Variants in CCDC33 observed in about 807,000 individuals in gnomAD.
CCDC33 encodes the protein coiled-coil domain containing 33.
Under a neutral mutation model 91.9 loss-of-function variants are expected in CCDC33, and 94 were observed. The observed-to-expected ratio is 1.02, with a 90% CI of 0.87 to 1.21. The LOEUF (loss-of-function observed/expected upper bound fraction) is 1.21. CCDC33 is among the 50% of genes most tolerant of loss of function. The pLI, the probability that CCDC33 is intolerant of heterozygous loss-of-function variation, is 0.00. For synonymous variants in CCDC33, 396 were observed against 374.5 expected (o/e 1.06, Z -0.66); for missense variants, 940 against 935.5 (o/e 1.00, Z -0.06).
chr15:74,225,490 T>C (rs1214302555), intron 2 of CCDC33, among the ~76,000 whole-genome samples: 1 of 144,018 alleles, frequency 6.9e-6, no homozygotes, highest in Non-Finnish European at 1.5e-5. Context: ...TACGTGAATA[T>C]ACACAGACCT....
At chr15:74,227,794 A>T (rs186944351) in intron 2 of CCDC33, among the ~76,000 whole-genome samples, 1 of 152,148 alleles carries the variant, frequency 6.6e-6, no homozygotes, top group African/African-American at 2.4e-5. Context: ...TGAGCAAGTC[A>T]TTTTACTTCT....
chr15:74,265,633 T>C (rs938322443), intron 3 of CCDC33, among the ~76,000 whole-genome samples: 3 of 152,236 alleles, frequency 2.0e-5, no homozygotes, highest in African/African-American at 7.2e-5. Context: ...GGCTGAGACA[T>C]GCCTGGCACA....
intron 7 of CCDC33, among the ~76,000 whole-genome samples, chr15:74,279,103 G>T (rs2076523362): frequency 6.6e-6 from 1 of 152,174 alleles, no homozygotes; most frequent in Non-Finnish European, 1.5e-5. Flanking sequence ...AATGAATGAG[G>T]TGTCCTAAAA....
chr15:74,240,697 ATTC>A (rs1422572320), intron 1 of CCDC33, among the ~76,000 whole-genome samples: 1 of 152,106 alleles, frequency 6.6e-6, no homozygotes. Flanking sequence ...GGTTCAAGCA[ATTC>A]TTCTGCCTCA....
At chr15:74,260,652 C>T (rs909640893) in intron 2 of CCDC33, among the ~76,000 whole-genome samples, 2 of 152,120 alleles carry the variant, frequency 1.3e-5, no homozygotes, top group Non-Finnish European at 2.9e-5. Flanking sequence ...CCAGGATAAA[C>T]GCGGGCTCCA....
intron 10 of CCDC33, among the ~76,000 whole-genome samples, chr15:74,283,135 T>C (rs541584850): frequency 6.6e-6 from 1 of 152,214 alleles, no homozygotes; most frequent in African/African-American, 2.4e-5. Flanking sequence ...TGAGACCCCA[T>C]TAGCACTCCC....
At chr15:74,269,962 T>A (rs1397404420) in intron 5 of CCDC33, among the ~76,000 whole-genome samples, 1 of 152,134 alleles carries the variant, frequency 6.6e-6, no homozygotes, top group African/African-American at 2.4e-5. Context: ...CCCTTTTTAG[T>A]CTTACACCTG....
chr15:74,330,556 G>A (rs1178451488), intron 12 of CCDC33, 107 bp from the exon 13 acceptor site: 29 of 1,128,826 alleles, frequency 2.6e-5, no homozygotes, highest in Admixed American at 1.1e-4. Context: ...ATCCAGTCCC[G>A]TCCCAAGCCC....
chr15:74,318,534 T>G (rs2060139830), intron 11 of CCDC33: 1 of 676,034 alleles, frequency 1.5e-6, no homozygotes, highest in Middle Eastern at 2.4e-4. Context: ...CAGGCACTTG[T>G]TGTAGCAACA....
intron 11 of CCDC33, among the ~76,000 whole-genome samples, chr15:74,321,566 A>C (rs1290589349): frequency 1.3e-5 from 2 of 151,976 alleles, no homozygotes; most frequent in Non-Finnish European, 2.9e-5. Flanking sequence ...TGCCCGGTGT[A>C]CTTTTTGTAT....
chr15:74,286,657 C>A (rs1203375172), intron 10 of CCDC33, among the ~76,000 whole-genome samples: 1 of 152,150 alleles, frequency 6.6e-6, no homozygotes, highest in African/African-American at 2.4e-5. Flanking sequence ...AGCAACATTT[C>A]TCCTCTTGCA....
rs777304619 is a variant in CCDC33, at chr15:74,281,747, C to T, written c.1024-31C>T. 8 of 1,597,360 alleles carry T rather than the reference C, an allele frequency of 5.0e-6. No individual in the cohort carries two copies. In the South Asian group the frequency reaches 6.6e-5, roughly 13 times the overall value. ...CAGAGGCGGAAGCTGCCCTGGCCAG[C>T]ATGGTCTGAGTGCTCCCTTTTCCTC... On this transcript the variant is annotated intron_variant, in intron 9 of 18. Transcript: ENST00000398814.
At chr15:74,233,402 ACT>A (rs1224007471), upstream of CCDC33, among the ~76,000 whole-genome samples, 1 of 151,750 alleles carries the variant, frequency 6.6e-6, no homozygotes, top group African/African-American at 2.4e-5. Flanking sequence ...AGGATGGAAA[ACT>A]CTGAGAGGGC....
chr15:74,213,030 CATT>C (rs1427935453), upstream of CCDC33: 7 of 152,114 alleles, frequency 4.6e-5, no homozygotes, highest in African/African-American at 7.2e-5. Flanking sequence ...GCATGGCCGA[CATT>C]ATGAAACCCC....
At chr15:74,300,880 T>C (rs1427603781) in intron 11 of CCDC33, 1 of 152,334 alleles carries the variant, frequency 6.6e-6, no homozygotes, top group East Asian at 1.9e-4. Context: ...CCCAACCATT[T>C]CTTCTCACCT....
At position 74,330,728 on chromosome 15, in the gene CCDC33, C is replaced by A; in HGVS notation, c.1522C>A (p.His508Asn). Residue 508 changes from histidine (H) to asparagine (N), a missense_variant, in exon 13 of 19, where the codon CAT becomes AAT. His to Asn is a moderately conservative substitution (Grantham distance 68). Transcript: ENST00000398814. ...DMKKLRDRVQ[H>N]LQNELIRKND... is the part of the protein sequence containing the mutation. ...GAAGAAACTGAGGGACAGGGTGCAG[C>A]ATTTGCAGAATGAGCTGATTCGAGT... 6.2e-7 allele frequency: 1 copy of A among 1,613,290 alleles called. No individual in the cohort carries two copies.
chr15:74,208,998 T>C, intron 1 of CCDC33: 1 of 1,028,746 alleles, frequency 9.7e-7, no homozygotes, highest in East Asian at 9.8e-5. Flanking sequence ...CTGAGAAGTG[T>C]CCCCAGCACC....
At chr15:74,292,483 C>T (rs2059603013) in intron 10 of CCDC33, among the ~76,000 whole-genome samples, 1 of 152,208 alleles carries the variant, frequency 6.6e-6, no homozygotes. Context: ...AGAATTTAGA[C>T]ATGATGGATC....
intron 7 of CCDC33, among the ~76,000 whole-genome samples, chr15:74,278,580 TC>T (rs1035787582): frequency 2.0e-5 from 3 of 152,196 alleles, no homozygotes; most frequent in African/African-American, 7.2e-5. Flanking sequence ...ATGCTGGGCC[TC>T]CCCCTGGAGT....
Sources: gnomAD v4.1 joint callset for allele counts (sites outside exome capture counted in the v4.1 genomes callset) on GRCh38, gnomAD v4.1.1 for gene constraint, MANE v1.5 for transcripts, NCBI Gene and HGNC (gene_info 2026-07-23, HGNC 2026-07-21) for gene names.